The following FAF2 variants were observed in gnomAD, a reference collection of about 807,000 sequenced individuals.
FAF2 encodes the protein FAS-associated factor 2.
Under a neutral mutation model 62.3 loss-of-function variants are expected in FAF2, and 9 were observed. The observed-to-expected ratio is 0.14, with a 90% CI of 0.09 to 0.25. The LOEUF is 0.25. Ranked by LOEUF, FAF2 falls within the 10% of genes least tolerant of loss-of-function variation. FAF2 has a pLI of 1.00. For synonymous variants in FAF2, 202 were observed against 198.0 expected (o/e 1.02, Z -0.17); for missense variants, 368 against 556.2 (o/e 0.66, Z 3.40).
In FAF2 at chr5:176,492,042, T is replaced by C. The variant is rs1758978437; in HGVS notation, c.345-152T>C. 4 of 826,532 alleles carry C rather than the reference T, an allele frequency of 4.8e-6. No homozygotes were observed. The South Asian group carries it at 5.9e-5, about 12-fold the overall frequency. 51.2% of individuals were successfully genotyped at this position (826,532 alleles called of 1,614,324 possible). ...CTGCTTTATGGCTTTTGAACCAGAC[T>C]CTACTCTCGGATTTGATGGTCCACT... is the stretch of plus-strand genomic sequence containing the variant. On this transcript the variant is annotated intron_variant, in intron 4 of 10. Coordinates refer to ENST00000261942, the MANE Select transcript of FAF2 (RefSeq NM_014613.3).
Position 176,448,425 on chromosome 5 carries a change from G to T in FAF2, c.18G>T (p.Glu6Asp). 6.2e-7 allele frequency: 1 copy of T among 1,607,572 alleles called. No homozygotes were observed. Among genetic ancestry groups the T allele is most frequent in the Non-Finnish European group, 8.5e-7 (1 of 1,177,308 alleles). The change falls in exon 1 of 11, where the codon GAG becomes GAT. Residue 6 changes from glutamate to aspartate, a missense_variant. Transcript: ENST00000261942. ...GCGGCAAAATGGCGGCGCCTGAGGA[G>T]CGGGATCTAACCCAGGAGCAGACAG... MAAPEERDLTQEQTEK... is the reference protein window; with the variant it reads MAAPEDRDLTQEQTEK...
intron 1 of FAF2, among the ~76,000 whole-genome samples, chr5:176,465,248 A>C (rs1423216968): frequency 6.6e-6 from 1 of 152,100 alleles, no homozygotes; most frequent in East Asian, 1.9e-4. Flanking sequence ...ATAGAGAAAA[A>C]CTGTATCAAC....
chr5:176,499,040 G>A lies in FAF2; in HGVS notation c.966G>A (p.Glu322=), dbSNP rs1755547200. Residue 322 remains glutamate, a synonymous_variant, in exon 9 of 11, where the codon GAG becomes GAA. Coordinates refer to ENST00000261942, the MANE Select transcript of FAF2 (RefSeq NM_014613.3). ...REERERKRRK[E]EEVQQQKLAE... The stretch of plus-strand genomic sequence containing the variant: ...AGCGGGAGCGTAAGCGGCGGAAGGA[G>A]GAGGAGGTGCAACAGCAAAAGTTGG... 5.6e-6 allele frequency: 9 copies of A among 1,610,296 alleles called. No homozygotes were observed. The highest frequency in any genetic ancestry group is 5.9e-6 in the Non-Finnish European group (7 of 1,177,862).
chr5:176,479,022 A>G (rs1028417106), intron 1 of FAF2, among the ~76,000 whole-genome samples, 166 bp from the exon 2 acceptor site: 4 of 152,218 alleles, frequency 2.6e-5, no homozygotes, highest in Non-Finnish European at 4.4e-5. Flanking sequence ...CGCATCTAGA[A>G]CAGTCAGCTG....
intron 4 of FAF2, among the ~76,000 whole-genome samples, chr5:176,489,457 A>G (rs746569020): frequency 2.6e-5 from 4 of 152,080 alleles, no homozygotes; most frequent in Non-Finnish European, 2.9e-5. Flanking sequence ...TCTTGCTCTG[A>G]GATTACCCAG....
intron 5 of FAF2, among the ~76,000 whole-genome samples, 192 bp from the exon 6 acceptor site, chr5:176,493,807 A>G (rs1374095533): frequency 6.6e-6 from 1 of 152,120 alleles, no homozygotes; most frequent in Non-Finnish European, 1.5e-5. Context: ...GTTAGCGTGG[A>G]GTTTCTATAG....
intron 10 of FAF2, among the ~76,000 whole-genome samples, chr5:176,505,020 T>TG (rs1333065299): frequency 3.1e-5 from 4 of 127,772 alleles, no homozygotes; most frequent in African/African-American, 8.4e-5. Context: ...AAGACCTGTC[T>TG]GGGAAAAAAA....
Position 176,509,141 on chromosome 5 carries a change from T to C in FAF2, c.*2191T>C, listed in dbSNP as rs1469736107. The C allele has an allele frequency of 6.6e-6, 1 of 152,218 alleles. No homozygotes were observed. Among genetic ancestry groups the C allele is most frequent in the African/African-American group, 2.4e-5 (1 of 41,452 alleles). 9.4% of individuals were successfully genotyped at this position (152,218 alleles called of 1,614,324 possible). On this transcript the variant is annotated 3_prime_UTR_variant, in exon 11 of 11. Coordinates refer to ENST00000261942, the MANE Select transcript of FAF2 (RefSeq NM_014613.3). Reference sequence around the variant, plus strand: ...CCATTTACTTTAGGTTTCAAGAGGATTCACCGGAAGCACATGCCCCGGTCT... The same window carrying C: ...CCATTTACTTTAGGTTTCAAGAGGACTCACCGGAAGCACATGCCCCGGTCT...
chr5:176,485,441 T>G (rs2113736613), intron 2 of FAF2, among the ~76,000 whole-genome samples: 1 of 152,268 alleles, frequency 6.6e-6, no homozygotes, highest in African/African-American at 2.4e-5. Flanking sequence ...ACCTAAAATC[T>G]AGTAACAAAG....
At chr5:176,480,356 T>C (rs1403315041) in intron 2 of FAF2, among the ~76,000 whole-genome samples, 1 of 152,200 alleles carries the variant, frequency 6.6e-6, no homozygotes, top group Non-Finnish European at 1.5e-5. Context: ...CAACACATTT[T>C]TGAGCAATTA....
At chr5:176,492,416 CCTT>C in intron 5 of FAF2, 84 bp downstream of exon 5, 2 of 1,398,778 alleles carry the variant, frequency 1.4e-6, no homozygotes, top group East Asian at 2.6e-5. Flanking sequence ...CTGATCATGT[CCTT>C]CTTGTACTCA....
rs1408522754 is a variant in FAF2, at chr5:176,506,890, A to C, written c.1278A>C (p.Leu426=). The part of the protein sequence containing the change: ...PSEEWPNPPT[L]QEAGLSHTEV... ...AGGAGTGGCCCAATCCCCCTACGCT[A>C]CAGGAGGCCGGACTCAGCCACACAG... Residue 426 remains leucine (L), a synonymous_variant, in exon 11 of 11, where the codon CTA becomes CTC. Coordinates refer to ENST00000261942, the MANE Select transcript of FAF2 (RefSeq NM_014613.3). 1 of 1,612,338 alleles carries C rather than the reference A, an allele frequency of 6.2e-7. No homozygotes were observed. The highest frequency in any genetic ancestry group is 8.5e-7 in the Non-Finnish European group (1 of 1,179,054).
At chr5:176,487,484 A>G (rs750300958) in intron 3 of FAF2, among the ~76,000 whole-genome samples, 26 of 152,120 alleles carry the variant, frequency 1.7e-4, no homozygotes, top group Non-Finnish European at 3.7e-4. Flanking sequence ...TGCCTGGCCT[A>G]CTTGATGTTT....
At chr5:176,499,203 AAAAAAGG>A (rs1755551072) in intron 9 of FAF2, 118 bp downstream of exon 9, 2 of 951,110 alleles carry the variant, frequency 2.1e-6, no homozygotes, top group South Asian at 4.9e-5. Context: ...GAGGGAAAAA[AAAAAAGG>A]AAAAAGGAAA....
intron 1 of FAF2, among the ~76,000 whole-genome samples, chr5:176,461,068 A>G (rs1203180063): frequency 6.7e-6 from 1 of 150,088 alleles, no homozygotes; most frequent in East Asian, 2.0e-4. Context: ...GCTGGAGTGC[A>G]GTAGTGCCAT....
intron 3 of FAF2, among the ~76,000 whole-genome samples, chr5:176,488,683 A>C (rs1400965617): frequency 2.6e-5 from 4 of 152,176 alleles, no homozygotes; most frequent in African/African-American, 9.6e-5. Flanking sequence ...TCAGCCTCCC[A>C]AAGTGCTGGG....
At chr5:176,481,188 A>C (rs1461105346) in intron 2 of FAF2, among the ~76,000 whole-genome samples, 1 of 152,044 alleles carries the variant, frequency 6.6e-6, no homozygotes, top group Non-Finnish European at 1.5e-5. Context: ...CTGGGATTAT[A>C]GGTGTGCACC....
At chr5:176,491,883 T>C (rs1051906325) in intron 4 of FAF2, among the ~76,000 whole-genome samples, 2 of 152,220 alleles carry the variant, frequency 1.3e-5, no homozygotes, top group African/African-American at 2.4e-5. Flanking sequence ...TTTTGGATAC[T>C]GTGTCTTCCC....
At chr5:176,505,381 CTG>C (rs1755659364) in intron 10 of FAF2, among the ~76,000 whole-genome samples, 2 of 152,208 alleles carry the variant, frequency 1.3e-5, no homozygotes, top group African/African-American at 4.8e-5. Flanking sequence ...AGGATTTTAA[CTG>C]TGCCTTGTCA....
Sources: allele counts gnomAD v4.1 joint callset (sites outside exome capture counted in the v4.1 genomes callset), GRCh38; gene constraint gnomAD v4.1.1; transcripts MANE v1.5; gene names NCBI Gene and HGNC (gene_info 2026-07-23, HGNC 2026-07-21).